The following SAFB variants were observed in gnomAD, a reference collection of about 807,000 sequenced individuals.
The protein encoded by SAFB is scaffold attachment factor B1.
Under a neutral mutation model 101.6 loss-of-function variants are expected in SAFB, and 15 were observed. That is an observed-to-expected ratio of 0.15 (90% CI 0.10 to 0.23). The LOEUF is 0.23. Ranked by LOEUF, SAFB falls within the 10% of genes least tolerant of loss-of-function variation. SAFB has a pLI of 1.00. For missense variants in SAFB, 930 were observed against 1,104.1 expected, an observed-to-expected ratio of 0.84 and a Z score of 2.23; for synonymous variants, 449 against 407.5, an observed-to-expected ratio of 1.10 and a Z score of -1.23.
At chr19:5,660,342 C>CTTTTTTTTTTT (rs11360129) in intron 14 of SAFB, among the ~76,000 whole-genome samples, 1 of 50,904 alleles carries the variant, frequency 2.0e-5, no homozygotes, top group African/African-American at 7.5e-5. Flanking sequence ...CTGCACACAC[C>CTTTTTTTTTTT]TTTTTTTTTT....
chr19:5,653,762 C>T (rs557411399), intron 11 of SAFB, among the ~76,000 whole-genome samples: 4 of 148,352 alleles, frequency 2.7e-5, no homozygotes, highest in African/African-American at 7.5e-5. Context: ...CATGCCTGGC[C>T]GGGGCAGGGT....
At chr19:5,633,117 T>TATTC (rs1349244974) in intron 2 of SAFB, among the ~76,000 whole-genome samples, 1 of 152,252 alleles carries the variant, frequency 6.6e-6, no homozygotes, top group Admixed American at 6.5e-5. Flanking sequence ...AGTTCCTGTC[T>TATTC]ATTCATTTAT....
At position 5,667,481 on chromosome 19, in the gene SAFB, TGTGCTGGGGA is replaced by T. The variant is rs996475131; in HGVS notation, c.2557+35_2557+44del. ...GAGCAGCTCTGGGCTGGGACCAGGA[TGTGCTGGGGA>T]GTGATGGAAAGATGGAGGCCGCGCC... On this transcript the variant is annotated intron_variant, in intron 19 of 20. Coordinates refer to ENST00000588852, the MANE Select transcript of SAFB (RefSeq NM_001201338.2). This position sits in a 1 kb window ranked among gnomAD's most constrained non-coding sequence, Gnocchi z 4.0. 3.5e-6 allele frequency: 5 copies of T among 1,437,364 alleles called. No individual in the cohort carries two copies. In the African/African-American group the frequency reaches 5.8e-5, roughly 17 times the overall value. 89.0% of individuals were successfully genotyped at this position (1,437,364 alleles called of 1,614,324 possible).
intron 2 of SAFB, among the ~76,000 whole-genome samples, chr19:5,639,873 T>C (rs866218376): frequency 6.6e-6 from 1 of 151,970 alleles, no homozygotes; most frequent in African/African-American, 2.4e-5. Context: ...GTTTTGCTTT[T>C]GTTGCCCAGG....
chr19:5,652,981 T>G (rs73920037), intron 9 of SAFB, 134 bp from the exon 10 acceptor site: 2 of 816,760 alleles, frequency 2.4e-6, no homozygotes, highest in African/African-American at 3.4e-5. Flanking sequence ...AACAGAAGCA[T>G]TAGTAGCATT....
Position 5,667,333 on chromosome 19 carries a change from G to A in SAFB, c.2454-14G>A, listed in dbSNP as rs1568285005. The A allele has an allele frequency of 1.4e-6, 2 of 1,474,062 alleles. No individual in the cohort carries two copies. Among genetic ancestry groups the A allele is most frequent in the Admixed American group, 2.8e-5 (1 of 35,618 alleles). 91.3% of individuals were successfully genotyped at this position (1,474,062 alleles called of 1,614,324 possible). ...GATGGGGGCAATCCAAATCAGAGAT[G>A]TCTCTCTTTCAAGGGGCAGACGTGA... On this transcript the variant is annotated splice_polypyrimidine_tract_variant and intron_variant, in intron 18 of 20. Transcript: ENST00000588852. The surrounding 1 kb of genome is among the most constrained non-coding windows in gnomAD (Gnocchi z 4.0).
chr19:5,649,783 A>G (rs2053895620), intron 7 of SAFB, 143 bp from the exon 8 acceptor site: 2 of 850,778 alleles, frequency 2.4e-6, no homozygotes, highest in Non-Finnish European at 3.8e-6. Flanking sequence ...GTTAGGTCAG[A>G]TTTTCAATAC....
At chr19:5,656,129 A>G (rs2054053352) in intron 13 of SAFB, among the ~76,000 whole-genome samples, 1 of 152,178 alleles carries the variant, frequency 6.6e-6, no homozygotes, top group South Asian at 2.1e-4. Flanking sequence ...TAAACAGCTC[A>G]TCTGTTTTTC....
chr19:5,626,593 C>T (rs537955726), intron 2 of SAFB, 104 bp downstream of exon 2: 2 of 681,850 alleles, frequency 2.9e-6, no homozygotes, highest in Non-Finnish European at 5.2e-6. Context: ...ACTTGTGAAC[C>T]ACTCTGAACT....
rs767488519 is a variant in SAFB, at chr19:5,642,651, CTTTTTTTTTT to C, written c.546+722_546+731del. Among the ~76,000 whole-genome samples the C allele has an allele frequency of 2.4e-4, 17 of 70,850 alleles. No individual in the cohort carries two copies. The South Asian group carries it at 3.4e-3, about 14-fold the overall frequency. The allele number at this position is 70,850 out of a possible 152,430, so 46.5% of individuals were successfully genotyped here. A position where few individuals can be genotyped will look rare whatever the true frequency, so the allele number is the denominator to read the frequency against. On this transcript the variant is annotated intron_variant, in intron 4 of 20. Transcript: ENST00000588852. ...GGCATTGGCATTATGCCCTTCCTTT[CTTTTTTTTTT>C]TTTTTTTTTTTTTTTTCTGAGACAG...
Position 5,667,603 on chromosome 19 carries a change from G to C in SAFB, c.2557+153G>C. The C allele has an allele frequency of 1.4e-6, 1 of 706,784 alleles. No homozygotes were observed. The allele number at this position is 706,784 out of a possible 1,614,324, so 43.8% of individuals were successfully genotyped here. A position where few individuals can be genotyped will look rare whatever the true frequency, so the allele number is the denominator to read the frequency against. ...GCACTCCAGACACCGCCTGCTCTCT[G>C]GTGGTCTGGCCCAGGAGTTGGACAG... On this transcript the variant is annotated intron_variant, in intron 19 of 20. Coordinates refer to ENST00000588852, the MANE Select transcript of SAFB (RefSeq NM_001201338.2). The surrounding 1 kb of genome is among the most constrained non-coding windows in gnomAD (Gnocchi z 4.0).
At position 5,654,233 on chromosome 19, in the gene SAFB, T is replaced by G. The variant is rs754675858; in HGVS notation, c.1666+33T>G. The G allele has an allele frequency of 1.2e-5, 20 of 1,612,816 alleles. No individual in the cohort carries two copies. In the East Asian group the frequency reaches 4.0e-4, roughly 32 times the overall value. On this transcript the variant is annotated intron_variant, in intron 12 of 20. Coordinates refer to ENST00000588852, the MANE Select transcript of SAFB (RefSeq NM_001201338.2). ...GCTCATGAGCCCAGGAGATTCTGTC[T>G]TGTTTCTGTGCCTAGTGGAGTTTGT...
At chr19:5,666,125 G>C (rs557859108) in intron 17 of SAFB, 14 of 152,242 alleles carry the variant, frequency 9.2e-5, no homozygotes, top group African/African-American at 3.1e-4. Context: ...ATGTGGTCAT[G>C]GGGCAAAAAC....
intron 14 of SAFB, among the ~76,000 whole-genome samples, chr19:5,658,858 G>A (rs921762067): frequency 1.4e-5 from 2 of 144,304 alleles, no homozygotes; most frequent in South Asian, 4.4e-4. Context: ...AAAAGGGGGG[G>A]TCGGGGGGCC....
chr19:5,648,002 G>T lies in SAFB; in HGVS notation c.610-14G>T, dbSNP rs528533060. 17 of 1,611,284 alleles carry T rather than the reference G, an allele frequency of 1.1e-5. No individual in the cohort carries two copies. The highest frequency in any genetic ancestry group is 2.2e-5 in the East Asian group (1 of 44,860). ...ATTCATCTGGCACAGTCTTATTTAC[G>T]TTTTTTCTTGCAGGAAATTGAAGAG... On this transcript the variant is annotated splice_polypyrimidine_tract_variant and intron_variant, in intron 5 of 20. Coordinates refer to ENST00000588852, the MANE Select transcript of SAFB (RefSeq NM_001201338.2).
At chr19:5,637,571 C>T in intron 2 of SAFB, among the ~76,000 whole-genome samples, 1 of 151,200 alleles carries the variant, frequency 6.6e-6, no homozygotes, top group East Asian at 2.0e-4. Context: ...TGGGAGGATC[C>T]CTTGAGGATC....
At chr19:5,639,157 C>T (rs1418927083) in intron 2 of SAFB, among the ~76,000 whole-genome samples, 1 of 152,184 alleles carries the variant, frequency 6.6e-6, no homozygotes, top group Admixed American at 6.5e-5. Flanking sequence ...CGGAAGCCAA[C>T]ATTTCAAATT....
At position 5,649,933 on chromosome 19, in the gene SAFB, G is replaced by A. The variant is rs200348280; in HGVS notation, c.1156G>A (p.Glu386Lys). ...ATTGTCTTTTGTCTCTAGTTCTCCC[G>A]AAGATGACTCGGATACAAAAAGGCT... Reference protein sequence around the residue: ...EGADQKMSSPEDDSDTKRLSK... With the variant: ...EGADQKMSSPKDDSDTKRLSK... The change falls in exon 8 of 21, where the codon GAA becomes AAA. Residue 386 changes from glutamate (E) to lysine (K), a missense_variant. Transcript: ENST00000588852. 10 of 1,613,646 alleles carry A rather than the reference G, an allele frequency of 6.2e-6. No individual in the cohort carries two copies. The highest frequency in any genetic ancestry group is 3.3e-5 in the Admixed American group (2 of 59,994).
chr19:5,650,029 G>T, intron 8 of SAFB, 54 bp downstream of exon 8: 1 of 1,401,992 alleles, frequency 7.1e-7, no homozygotes. Context: ...CTGGGCAGTG[G>T]CGGGTATTTG....
Sources: gnomAD v4.1 joint callset for allele counts (sites outside exome capture counted in the v4.1 genomes callset) on GRCh38, gnomAD v4.1.1 for gene constraint, Gnocchi (gnomAD v3.1) non-coding constraint, MANE v1.5 for transcripts, NCBI Gene and HGNC (gene_info 2026-07-23, HGNC 2026-07-21) for gene names.